The following ZC3H12B variants were observed in gnomAD, a reference collection of about 807,000 sequenced individuals.
ZC3H12B encodes the protein zinc finger CCCH-type containing 12B.
ZC3H12B carries 7 observed loss-of-function variants against 43.9 expected under a neutral mutation model. That is an observed-to-expected ratio of 0.16 (90% CI 0.09 to 0.30). ZC3H12B has a LOEUF of 0.30. ZC3H12B is among the 10% of genes least tolerant of loss of function. The pLI is 1.00. For synonymous variants in ZC3H12B, 222 were observed against 241.7 expected, an observed-to-expected ratio of 0.92 and a Z score of 0.76; for missense variants, 475 against 670.2, an observed-to-expected ratio of 0.71 and a Z score of 3.22.
the ZC3H12B span, among the ~76,000 whole-genome samples, chrX:65,315,123 G>T: frequency 1.8e-5 from 2 of 110,924 alleles, no homozygotes; most frequent in Non-Finnish European, 3.8e-5. Flanking sequence ...ATAAATGGCA[G>T]CTCTAAATTC....
intron 2 of ZC3H12B, among the ~76,000 whole-genome samples, chrX:65,374,963 G>A (rs1026346136): frequency 3.6e-5 from 4 of 111,286 alleles, no homozygotes; most frequent in Non-Finnish European, 7.5e-5. Context: ...TGGGGAGTAT[G>A]GGAACTACAA....
chrX:65,473,790 G>A (rs1214577389), intron 3 of ZC3H12B, among the ~76,000 whole-genome samples: 1 of 111,124 alleles, frequency 9.0e-6, no homozygotes, highest in African/African-American at 3.3e-5. Context: ...CATATATATT[G>A]CAGTTATTGC....
the ZC3H12B span, among the ~76,000 whole-genome samples, chrX:65,211,406 A>T: frequency 7.4e-5 from 8 of 108,719 alleles, no homozygotes; most frequent in African/African-American, 2.3e-4. Flanking sequence ...TAATAATAAT[A>T]GTTGCCATTT....
the ZC3H12B span, among the ~76,000 whole-genome samples, chrX:65,125,445 T>A: frequency 9.0e-6 from 1 of 111,645 alleles, no homozygotes; most frequent in East Asian, 2.8e-4. Flanking sequence ...TGCTGATGAA[T>A]AGAATGTATA....
At chrX:65,123,859 G>A in the ZC3H12B span, among the ~76,000 whole-genome samples, 58 of 109,190 alleles carry the variant, frequency 5.3e-4, no homozygotes, top group African/African-American at 1.8e-3. Flanking sequence ...AATCTTCACT[G>A]AGTTCATTCA....
chrX:65,485,996 A>C, upstream of ZC3H12B, among the ~76,000 whole-genome samples: 1 of 112,230 alleles, frequency 8.9e-6, no homozygotes. Context: ...AGTTGGCACT[A>C]AATAAATATT....
the ZC3H12B span, among the ~76,000 whole-genome samples, chrX:65,268,161 C>A: frequency 9.0e-6 from 1 of 111,388 alleles, no homozygotes; most frequent in East Asian, 2.8e-4. Context: ...ATTGGATAAC[C>A]TAGAGGAAAC....
At chrX:65,066,798 C>T in the ZC3H12B span, among the ~76,000 whole-genome samples, 3 of 112,121 alleles carry the variant, frequency 2.7e-5, no homozygotes, top group African/African-American at 9.7e-5. Context: ...CTATAAGCCC[C>T]TGACTGGGGC....
chrX:65,310,359 A>C, the ZC3H12B span, among the ~76,000 whole-genome samples: 3 of 111,710 alleles, frequency 2.7e-5, no homozygotes, highest in African/African-American at 9.8e-5. Flanking sequence ...CACCAATAAC[A>C]GACAAACGGA....
At chrX:65,340,998 A>G in the ZC3H12B span, among the ~76,000 whole-genome samples, 1 of 112,385 alleles carries the variant, frequency 8.9e-6, no homozygotes, top group African/African-American at 3.2e-5. Context: ...AATAGCCAGA[A>G]TAGAAAAGAA....
At chrX:65,391,454 A>C (rs771431037) in intron 2 of ZC3H12B, among the ~76,000 whole-genome samples, 2 of 111,588 alleles carry the variant, frequency 1.8e-5, no homozygotes, top group African/African-American at 6.5e-5. Flanking sequence ...GCAGATTTTG[A>C]TTCATAACAA....
At chrX:65,240,876 G>A in the ZC3H12B span, among the ~76,000 whole-genome samples, 1 of 111,714 alleles carries the variant, frequency 9.0e-6, no homozygotes, top group Non-Finnish European at 1.9e-5. Flanking sequence ...TAGTTGCCTA[G>A]GTTTTCCCCT....
At chrX:65,053,274 C>T in the ZC3H12B span, among the ~76,000 whole-genome samples, 3 of 110,683 alleles carry the variant, frequency 2.7e-5, no homozygotes, top group African/African-American at 3.3e-5. Context: ...CACCCCGCAA[C>T]AGGCCCCAGG....
chrX:65,262,654 G>A, the ZC3H12B span, among the ~76,000 whole-genome samples: 1 of 110,309 alleles, frequency 9.1e-6, no homozygotes. Flanking sequence ...CACAACATTG[G>A]AATATAAATA....
the ZC3H12B span, among the ~76,000 whole-genome samples, chrX:65,130,972 G>C: frequency 3.6e-5 from 4 of 112,251 alleles, no homozygotes; most frequent in Non-Finnish European, 5.6e-5. Flanking sequence ...AAGTGGTCTT[G>C]AGAAGAGCTT....
At chrX:65,353,039 T>C in the ZC3H12B span, among the ~76,000 whole-genome samples, 5 of 110,012 alleles carry the variant, frequency 4.5e-5, no homozygotes, top group African/African-American at 1.3e-4. Flanking sequence ...TGTGTGTGTG[T>C]GCGTATGGGA....
chrX:65,055,442 G>T, the ZC3H12B span, among the ~76,000 whole-genome samples: 1 of 111,821 alleles, frequency 8.9e-6, no homozygotes. Context: ...AAGCCCACTT[G>T]ATCATGGTGG....
chrX:65,204,871 T>C, the ZC3H12B span, among the ~76,000 whole-genome samples: 1 of 112,314 alleles, frequency 8.9e-6, no homozygotes, highest in Non-Finnish European at 1.9e-5. Flanking sequence ...AGCTGTTATC[T>C]GCTGCTCATT....
chrX:65,072,096 G>C, the ZC3H12B span, among the ~76,000 whole-genome samples: 1 of 111,809 alleles, frequency 8.9e-6, no homozygotes. Context: ...GTGGGTTATG[G>C]ATTTGGTCTC....
Sources: gnomAD v4.1 joint callset for allele counts (sites outside exome capture counted in the v4.1 genomes callset) on GRCh38, gnomAD v4.1.1 for gene constraint, MANE v1.5 for transcripts, NCBI Gene and HGNC (gene_info 2026-07-23, HGNC 2026-07-21) for gene names.